Variants in STK16 observed in about 807,000 individuals in gnomAD.
STK16 encodes the protein serine/threonine-protein kinase 16.
In STK16, 28 loss-of-function variants were observed where a neutral mutation model predicts 37.8. The ratio of observed to expected loss-of-function variants is 0.74; its 90% CI spans 0.55 to 1.02. STK16 has a LOEUF of 1.02. Ranked by LOEUF, STK16 falls within the 50% of genes least tolerant of loss-of-function variation. The pLI, the probability that STK16 is intolerant of heterozygous loss-of-function variation, is 0.00. For missense variants in STK16, 349 were observed against 390.6 expected (o/e 0.89, Z 0.90); for synonymous variants, 134 against 155.0 (o/e 0.86, Z 1.01).
rs371557574 is a variant in STK16 at position 219,250,108 on chromosome 2, C to T, written c.*1549C>T. On this transcript the variant is annotated 3_prime_UTR_variant, in exon 8 of 8. Transcript: ENST00000396738. The surrounding 1 kb of genome is among the most constrained non-coding windows in gnomAD (Gnocchi z 8.4). ...TCATTTCCTCCCTATACTGAGTAAC[C>T]CTAGGACTTCAATTTAAAGTCCCTG... 8.9e-5 allele frequency: 52 copies of T among 582,794 alleles called. No individual in the cohort carries two copies. The highest frequency in any genetic ancestry group is 8.5e-4 in the African/African-American group (46 of 53,896). 36.1% of individuals were successfully genotyped at this position (582,794 alleles called of 1,614,324 possible). A position where few individuals can be genotyped will look rare whatever the true frequency, so the allele number is the denominator to read the frequency against.
intron 6 of STK16, 136 bp downstream of exon 6, chr2:219,247,893 T>C: frequency 1.1e-6 from 1 of 911,584 alleles, no homozygotes; most frequent in Middle Eastern, 2.1e-4. Context: ...TCAACTTCCT[T>C]CCTGGGAAAT....
At position 219,250,150 on chromosome 2, in the gene STK16, G is replaced by T; in HGVS notation, c.*1591G>T. ...AAGTCCCTGGGGTTATGCTTCCTGG[G>T]CCTGGCAAGAACCCCTTTGCAGGTC... On this transcript the variant is annotated 3_prime_UTR_variant, in exon 8 of 8. Transcript: ENST00000396738. This position sits in a 1 kb window ranked among gnomAD's most constrained non-coding sequence, Gnocchi z 8.4. 1.3e-6 allele frequency: 1 copy of T among 757,700 alleles called. No individual in the cohort carries two copies. Among genetic ancestry groups the T allele is most frequent in the Non-Finnish European group, 2.2e-6 (1 of 460,000 alleles). 46.9% of individuals were successfully genotyped at this position (757,700 alleles called of 1,614,324 possible). A position where few individuals can be genotyped will look rare whatever the true frequency, so the allele number is the denominator to read the frequency against.
chr2:219,249,786 C>A lies in STK16; in HGVS notation c.*1227C>A. 1 of 153,816 alleles carries A rather than the reference C, an allele frequency of 6.5e-6. No individual in the cohort carries two copies. 9.5% of individuals were successfully genotyped at this position (153,816 alleles called of 1,614,324 possible). On this transcript the variant is annotated 3_prime_UTR_variant, in exon 8 of 8. Coordinates refer to ENST00000396738, the MANE Select transcript of STK16 (RefSeq NM_001330213.2). ...AGACAGGAAGCTATGCAAAGCTGCTCAGAGGTGCAGTGGCACAAACAACTC... is the reference window on the plus strand; with the variant it reads ...AGACAGGAAGCTATGCAAAGCTGCTAAGAGGTGCAGTGGCACAAACAACTC...
chr2:219,246,638 T>A lies in STK16; in HGVS notation c.87-19T>A, dbSNP rs200267587. ...GTGGGAGATGACCATGGCCCTTTAT[T>A]GACCCCTTTGGCCCACAGTGGGTTC... On this transcript the variant is annotated intron_variant, in intron 2 of 7. Coordinates refer to ENST00000396738, the MANE Select transcript of STK16 (RefSeq NM_001330213.2). The surrounding 1 kb of genome is among the most constrained non-coding windows in gnomAD (Gnocchi z 4.5). The A allele has an allele frequency of 6.2e-7, 1 of 1,607,270 alleles. No individual in the cohort carries two copies. The highest frequency in any genetic ancestry group is 1.3e-5 in the African/African-American group (1 of 74,804).
chr2:219,248,746 G>GT lies in STK16; in HGVS notation c.*187_*188insT. On this transcript the variant is annotated 3_prime_UTR_variant, in exon 8 of 8. Coordinates refer to ENST00000396738, the MANE Select transcript of STK16 (RefSeq NM_001330213.2). ...TCCAAGAGCAAAACCTGGGCAAGGG[G>GT]ACTTACTGAGTGGGGGTGGGTGGGG... 3.1e-6 allele frequency: 1 copy of GT among 318,058 alleles called. No homozygotes were observed. Among genetic ancestry groups the GT allele is most frequent in the Non-Finnish European group, 6.0e-6 (1 of 166,122 alleles). The allele number at this position is 318,058 out of a possible 1,614,324, so 19.7% of individuals were successfully genotyped here.
In STK16 at chr2:219,247,107, T is replaced by C; in HGVS notation, c.307-6T>C. ...ATCTCCAACTGTAGGGAAACTTGTGTTGCAGAGAGGTACGCTGTGGAATGA... is the reference window on the plus strand; with the variant it reads ...ATCTCCAACTGTAGGGAAACTTGTGCTGCAGAGAGGTACGCTGTGGAATGA... On this transcript the variant is annotated splice_polypyrimidine_tract_variant and splice_region_variant and intron_variant, in intron 3 of 7. Transcript: ENST00000396738. 6.2e-7 allele frequency: 1 copy of C among 1,614,192 alleles called. No individual in the cohort carries two copies. The highest frequency in any genetic ancestry group is 2.2e-5 in the East Asian group (1 of 44,882).
rs1435062237 is a variant in STK16, at chr2:219,246,652, C to T, written c.87-5C>T. ...TGGCCCTTTATTGACCCCTTTGGCC[C>T]ACAGTGGGTTCAGCTATGTGGACCT... is the stretch of plus-strand genomic sequence containing the variant. On this transcript the variant is annotated splice_region_variant and splice_polypyrimidine_tract_variant and intron_variant, in intron 2 of 7. Transcript: ENST00000396738. This position sits in a 1 kb window ranked among gnomAD's most constrained non-coding sequence, Gnocchi z 4.5. 1 of 1,613,652 alleles carries T rather than the reference C, an allele frequency of 6.2e-7. No individual in the cohort carries two copies. The highest frequency in any genetic ancestry group is 1.7e-5 in the Admixed American group (1 of 60,006).
chr2:219,245,819 T>G (rs1194813566), intron 1 of STK16, 23 bp downstream of exon 1: 2 of 546,764 alleles, frequency 3.7e-6, no homozygotes, highest in Non-Finnish European at 6.6e-6. Flanking sequence ...GACCTGGGCC[T>G]GAGCTCTCCG....
rs1040453695 is a variant in STK16 at position 219,250,199 on chromosome 2, A to G, written c.*1640A>G. 7.1e-6 allele frequency: 8 copies of G among 1,124,202 alleles called. No individual in the cohort carries two copies. The South Asian group carries it at 1.1e-4, about 15-fold the overall frequency. 69.6% of individuals were successfully genotyped at this position (1,124,202 alleles called of 1,614,324 possible). On this transcript the variant is annotated 3_prime_UTR_variant, in exon 8 of 8. Coordinates refer to ENST00000396738, the MANE Select transcript of STK16 (RefSeq NM_001330213.2). The surrounding 1 kb of genome is among the most constrained non-coding windows in gnomAD (Gnocchi z 8.4). ...TCTCACCTTCAGCGATGGAAGGGAT[A>G]AGGGTCATGAACAGCAAACAGAGCA...
rs750235342 is a variant in STK16, at chr2:219,246,914, G to C, written c.306+38G>C. 2 of 1,575,784 alleles carry C rather than the reference G, an allele frequency of 1.3e-6. No homozygotes were observed. ...CCTGGTTATGGAGGGGGTTGCAGCA[G>C]AGCCACCTACTCAAGGGCTGTGTGA... On this transcript the variant is annotated intron_variant, in intron 3 of 7. Transcript: ENST00000396738. The surrounding 1 kb of genome is among the most constrained non-coding windows in gnomAD (Gnocchi z 4.5).
chr2:219,246,669 T>C lies in STK16; in HGVS notation c.99T>C (p.Tyr33=). The change falls in exon 3 of 8, where the codon TAT becomes TAC. Residue 33 remains tyrosine (Y), a synonymous_variant. Transcript: ENST00000396738. This position sits in a 1 kb window ranked among gnomAD's most constrained non-coding sequence, Gnocchi z 4.5. ...IQKLGEGGFS[Y]VDLVEGLHDG... ...CTTTGGCCCACAGTGGGTTCAGCTA[T>C]GTGGACCTAGTGGAAGGGTTACATG... 4 of 1,614,156 alleles carry C rather than the reference T, an allele frequency of 2.5e-6. No homozygotes were observed. The highest frequency in any genetic ancestry group is 3.4e-6 in the Non-Finnish European group (4 of 1,180,008).
intron 6 of STK16, 25 bp from the exon 7 acceptor site, chr2:219,248,168 T>C: frequency 6.2e-7 from 1 of 1,613,778 alleles, no homozygotes; most frequent in Non-Finnish European, 8.5e-7. Flanking sequence ...GGTCCCCTTC[T>C]AGGGACTAAT....
Position 219,248,693 on chromosome 2 carries a change from C to G in STK16, c.*134C>G, listed in dbSNP as rs146831665. On this transcript the variant is annotated 3_prime_UTR_variant, in exon 8 of 8. Coordinates refer to ENST00000396738, the MANE Select transcript of STK16 (RefSeq NM_001330213.2). ...GCGGGGTCAGGACAATCATCTCAGTCCTGCATCTTTTCTTCTGCTTTCTTC... is the reference window on the plus strand; with the variant it reads ...GCGGGGTCAGGACAATCATCTCAGTGCTGCATCTTTTCTTCTGCTTTCTTC... 1.7e-4 allele frequency: 204 copies of G among 1,211,234 alleles called. No individual in the cohort carries two copies. Among genetic ancestry groups the G allele is most frequent in the Non-Finnish European group, 2.2e-4 (190 of 880,026 alleles). 75.0% of individuals were successfully genotyped at this position (1,211,234 alleles called of 1,614,324 possible).
Position 219,245,969 on chromosome 2 carries a change from G to A in STK16, c.-31G>A. ...CTGGACGAGCTCTTCGGTAGCCTCA[G>A]ACCGTCCTTGAAGAGGATGACTGAG... On this transcript the variant is annotated 5_prime_UTR_variant, in exon 2 of 8. Coordinates refer to ENST00000396738, the MANE Select transcript of STK16 (RefSeq NM_001330213.2). 6.2e-7 allele frequency: 1 copy of A among 1,601,816 alleles called. No individual in the cohort carries two copies. Among genetic ancestry groups the A allele is most frequent in the Non-Finnish European group, 8.5e-7 (1 of 1,170,700 alleles).
chr2:219,245,800 G>T lies in STK16; in HGVS notation c.-105+4G>T. On this transcript the variant is annotated splice_donor_region_variant and intron_variant, in intron 1 of 7. Transcript: ENST00000396738. The stretch of plus-strand genomic sequence containing the variant: ...CCTGTTTTCTCTACACTATAGTGTA[G>T]GTTCCAGAGACCTGGGCCTGAGCTC... The T allele has an allele frequency of 2.0e-6, 1 of 511,144 alleles. No homozygotes were observed. Among genetic ancestry groups the T allele is most frequent in the Non-Finnish European group, 3.5e-6 (1 of 284,456 alleles). The allele number at this position is 511,144 out of a possible 1,614,324, so 31.7% of individuals were successfully genotyped here. A position where few individuals can be genotyped will look rare whatever the true frequency, so the allele number is the denominator to read the frequency against.
rs771106651 is a variant in STK16 at position 219,248,550 on chromosome 2, C to G, written c.909C>G (p.Thr303=). The G allele has an allele frequency of 2.5e-6, 4 of 1,607,800 alleles. No homozygotes were observed. In the South Asian group the frequency reaches 4.4e-5, roughly 18 times the overall value. The change falls in exon 8 of 8, where the codon ACC becomes ACG. Residue 303 remains threonine, a synonymous_variant. Transcript: ENST00000396738. The stretch of plus-strand genomic sequence containing the variant: ...CCCCAGCTCCTGGCCAACATACTAC[C>G]CAAATCTGAAAAAGCAGCATGTTGA... The part of the protein sequence containing the change: ...LQPPAPGQHT[T]QI
intron 3 of STK16, 73 bp from the exon 4 acceptor site, chr2:219,247,040 A>G (rs1029825821): frequency 6.8e-5 from 108 of 1,598,408 alleles, no homozygotes; most frequent in Non-Finnish European, 9.0e-5. Context: ...AGGCTTTGAC[A>G]TAGGGAAGGG....
In STK16 at chr2:219,245,507, C is replaced by T. The variant is rs1951507497; in HGVS notation, c.-394C>T. The T allele has an allele frequency of 6.5e-6, 1 of 153,230 alleles. No homozygotes were observed. The highest frequency in any genetic ancestry group is 6.5e-5 in the Admixed American group (1 of 15,318). The allele number at this position is 153,230 out of a possible 1,614,324, so 9.5% of individuals were successfully genotyped here. The stretch of plus-strand genomic sequence containing the variant: ...ACTGCTTCCGGTCGGTGGCGCTTCT[C>T]TCTGGCCCGAGCCAGGTCAGTCCGG... On this transcript the variant is annotated 5_prime_UTR_variant, in exon 1 of 8. Transcript: ENST00000396738.
At chr2:219,245,842 A>T (rs139419682) in intron 1 of STK16, 46 bp downstream of exon 1, 1 of 582,948 alleles carries the variant, frequency 1.7e-6, no homozygotes, top group African/African-American at 1.9e-5. Flanking sequence ...TTGGTACTTC[A>T]TGGGTCGTCT....
Sources: allele counts gnomAD v4.1 joint callset, GRCh38; gene constraint gnomAD v4.1.1; non-coding constraint Gnocchi (gnomAD v3.1); transcripts MANE v1.5; gene names NCBI Gene and HGNC (gene_info 2026-07-23, HGNC 2026-07-21).